Variants in HDAC9 observed in about 807,000 individuals in gnomAD.
The protein encoded by HDAC9 is histone deacetylase 9, also known as MEF-2 interacting transcription repressor (MITR) protein.
Under a neutral mutation model 139.4 loss-of-function variants are expected in HDAC9, and 41 were observed. The ratio of observed to expected loss-of-function variants is 0.29; its 90% confidence interval spans 0.23 to 0.38. The LOEUF is 0.38. Among genes scored for constraint, HDAC9 ranks in the 10% least tolerant of loss-of-function variants. The probability of loss-of-function intolerance (pLI) is 1.00; values close to 1 mark genes in which losing one functional copy is unlikely to be tolerated. For missense variants in HDAC9, 1,147 were observed against 1,297.0 expected, an observed-to-expected ratio of 0.88 and a Z score of 1.78; for synonymous variants, 517 against 476.2, an observed-to-expected ratio of 1.09 and a Z score of -1.12.
At chr7:18,990,692 T>G in intron 25 of HDAC9, among the ~76,000 whole-genome samples, 1 of 152,224 alleles carries the variant, frequency 6.6e-6, no homozygotes, top group East Asian at 1.9e-4. Flanking sequence ...GAGCTAGCAG[T>G]CAGCGAGATT....
At chr7:18,506,404 G>C (rs1215524182) in intron 2 of HDAC9, among the ~76,000 whole-genome samples, 12 of 152,024 alleles carry the variant, frequency 7.9e-5, no homozygotes, top group Admixed American at 4.6e-4. Context: ...TGTTAATATT[G>C]CTCATAAACA....
At chr7:18,330,884 T>C (rs1199116246) in intron 1 of HDAC9, among the ~76,000 whole-genome samples, 1 of 151,640 alleles carries the variant, frequency 6.6e-6, no homozygotes, top group Non-Finnish European at 1.5e-5. Flanking sequence ...GGCAGAACAG[T>C]AAGTTTAGCA....
chr7:18,483,556 C>A (rs148109673), intron 1 of HDAC9, among the ~76,000 whole-genome samples: 7 of 152,172 alleles, frequency 4.6e-5, no homozygotes, highest in African/African-American at 1.4e-4. Flanking sequence ...TGAAGGGTGG[C>A]CATGTTGTCT....
intron 22 of HDAC9, among the ~76,000 whole-genome samples, chr7:18,885,917 C>T (rs1301069132): frequency 1.3e-5 from 2 of 152,070 alleles, no homozygotes. Flanking sequence ...ACCAGTATGT[C>T]TCTTTGTTAT....
intron 1 of HDAC9, among the ~76,000 whole-genome samples, chr7:18,452,944 A>G (rs1793013002): frequency 6.6e-6 from 1 of 152,216 alleles, no homozygotes; most frequent in African/African-American, 2.4e-5. Flanking sequence ...ACTTGGACAC[A>G]CATAATATAA....
intron 2 of HDAC9, among the ~76,000 whole-genome samples, chr7:18,268,872 A>T (rs1796168185): frequency 6.6e-6 from 1 of 152,234 alleles, no homozygotes; most frequent in Admixed American, 6.5e-5. Context: ...TGGACCATTT[A>T]TTCCAAACTC....
chr7:18,407,712 A>G (rs1202404752), intron 1 of HDAC9, among the ~76,000 whole-genome samples: 1 of 152,214 alleles, frequency 6.6e-6, no homozygotes, highest in Non-Finnish European at 1.5e-5. Flanking sequence ...ATAGAACAAT[A>G]GTAAAACTGG....
intron 1 of HDAC9, among the ~76,000 whole-genome samples, chr7:18,451,385 G>GTGTGTGTATATATATA (rs1554422613): frequency 1.2e-4 from 16 of 136,404 alleles, no homozygotes; most frequent in African/African-American, 4.0e-4. Flanking sequence ...GTGTGTGTGT[G>GTGTGTGTATATATATA]TGTGTGTGTG....
chr7:18,159,886 T>G (rs1250560308), intron 1 of HDAC9, among the ~76,000 whole-genome samples: 1 of 152,176 alleles, frequency 6.6e-6, no homozygotes, highest in Non-Finnish European at 1.5e-5. Context: ...GGGGAGTTGT[T>G]TAACTTTAAA....
At position 18,498,201 on chromosome 7, in the gene HDAC9, C is replaced by T. The variant is rs543283139; in HGVS notation, c.22+1877C>T. On this transcript the variant is annotated intron_variant, in intron 2 of 25. Transcript: ENST00000686413. ...TGTGAAGCATAAAAACAATTACACC[C>T]TTCCTGCCATGCCATATATTTCATA... Among the ~76,000 whole-genome samples, 15 of 152,080 alleles carry T rather than the reference C, an allele frequency of 9.9e-5. 1 individual carries two copies. The South Asian group carries it at 1.5e-3, about 15-fold the overall frequency.
chr7:18,808,121 T>C (rs1018403452), intron 17 of HDAC9: 1 of 152,154 alleles, frequency 6.6e-6, no homozygotes, highest in African/African-American at 2.4e-5. Context: ...ACTCCTCTAT[T>C]GAGGAACGTC....
chr7:18,795,027 C>T (rs954866056), intron 17 of HDAC9, among the ~76,000 whole-genome samples: 1 of 151,880 alleles, frequency 6.6e-6, no homozygotes, highest in Admixed American at 6.6e-5. Flanking sequence ...TGCAGAATTG[C>T]CAAATATATG....
At chr7:18,837,416 T>G (rs565620919) in intron 21 of HDAC9, among the ~76,000 whole-genome samples, 1 of 152,162 alleles carries the variant, frequency 6.6e-6, no homozygotes, top group African/African-American at 2.4e-5. Flanking sequence ...TCACAAACAT[T>G]ATTAATATCT....
intron 25 of HDAC9, 117 bp downstream of exon 25, chr7:18,976,070 C>G (rs1784529992): frequency 4.8e-6 from 5 of 1,044,708 alleles, no homozygotes; most frequent in Non-Finnish European, 6.9e-6. Context: ...CACCACCTGT[C>G]CTCTCCAAAG....
rs117079095 is a variant in HDAC9 at position 18,275,538 on chromosome 7, A to G, written c.25+113189A>G. 6.6e-3 allele frequency among the ~76,000 whole-genome samples: 1,005 copies of G among 152,288 alleles called. 5 individuals carry two copies. Among genetic ancestry groups the G allele is most frequent in the Non-Finnish European group, 8.5e-3 (581 of 68,022 alleles). ...AAAGGCCTCAAAGGCGCTGTGTGGT[A>G]TGGTCCTTGCCATCTGTCTCACTTC... On this transcript the variant is annotated intron_variant, in intron 2 of 12. Coordinates refer to the HDAC9 transcript ENST00000417496.
intron 1 of HDAC9, among the ~76,000 whole-genome samples, chr7:18,332,771 C>CT (rs1468627865): frequency 2.0e-5 from 3 of 151,608 alleles, no homozygotes; most frequent in African/African-American, 4.8e-5. Flanking sequence ...AGGATGTAAT[C>CT]TTTTTTCATG....
intron 7 of HDAC9, among the ~76,000 whole-genome samples, chr7:18,632,280 T>G (rs941986672): frequency 6.6e-6 from 1 of 152,080 alleles, no homozygotes. Flanking sequence ...AAGTATTTTA[T>G]TATACTAATA....
chr7:18,973,060 T>G (rs1784347039), intron 24 of HDAC9, among the ~76,000 whole-genome samples: 1 of 152,206 alleles, frequency 6.6e-6, no homozygotes. Flanking sequence ...AATTTAAAAT[T>G]AGTGCTGAGT....
chr7:18,297,931 G>A (rs1035989579), intron 1 of HDAC9, among the ~76,000 whole-genome samples: 3 of 152,194 alleles, frequency 2.0e-5, no homozygotes, highest in Non-Finnish European at 4.4e-5. Flanking sequence ...TAAGGCCTGT[G>A]CCTGGGGGAT....
Sources: allele counts gnomAD v4.1 joint callset (sites outside exome capture counted in the v4.1 genomes callset), GRCh38; gene constraint gnomAD v4.1.1; transcripts MANE v1.5; gene names NCBI Gene and HGNC (gene_info 2026-07-23, HGNC 2026-07-21).